The following DOCK1 variants were observed in gnomAD, a reference collection of about 807,000 sequenced individuals.
DOCK1 encodes dedicator of cytokinesis protein 1.
Under a neutral mutation model 262.7 loss-of-function variants are expected in DOCK1, and 138 were observed. That is an observed-to-expected ratio of 0.53 (90% CI 0.46 to 0.61). DOCK1 has a LOEUF of 0.61. Ranked by LOEUF, DOCK1 falls within the 20% of genes least tolerant of loss-of-function variation. The probability of loss-of-function intolerance (pLI) is 0.00; values close to 1 mark genes in which losing one functional copy is unlikely to be tolerated. For missense variants in DOCK1, 1,908 were observed against 2,370.7 expected, an observed-to-expected ratio of 0.80 and a Z score of 4.05; for synonymous variants, 866 against 867.4, an observed-to-expected ratio of 1.00 and a Z score of 0.03.
Position 127,031,515 on chromosome 10 carries a change from A to G in DOCK1, c.1625-135A>G. On this transcript the variant is annotated intron_variant, in intron 16 of 51. Transcript: ENST00000623213. ...ACGTGGTCCATTTTTCCATATATTT[A>G]TTAGATTAGCTTTAATACCTGTTTG... 7 of 606,710 alleles carry G rather than the reference A, an allele frequency of 1.2e-5. No individual in the cohort carries two copies. In the South Asian group the frequency reaches 1.3e-4, roughly 12 times the overall value. 37.6% of individuals were successfully genotyped at this position (606,710 alleles called of 1,614,324 possible).
In DOCK1 at chr10:127,415,112, T is replaced by A. The variant is rs76870943; in HGVS notation, c.4429-40T>A. The A allele has an allele frequency of 7.5e-3, 11,902 of 1,592,180 alleles. 629 individuals are homozygous for A. In the African/African-American group the frequency reaches 0.13, roughly 17 times the overall value. On this transcript the variant is annotated intron_variant, in intron 43 of 51. Transcript: ENST00000623213. Reference sequence around the variant, plus strand: ...GGGCAGAGCTGTCCACCTGCTGACATCCTTCTAACCCGTGTTGTGTGTGTG... The same window carrying A: ...GGGCAGAGCTGTCCACCTGCTGACAACCTTCTAACCCGTGTTGTGTGTGTG...
chr10:127,007,217 G>A (rs1232199715), intron 10 of DOCK1, among the ~76,000 whole-genome samples: 2 of 152,092 alleles, frequency 1.3e-5, no homozygotes, highest in East Asian at 3.9e-4. Context: ...AGTGAGTGTG[G>A]GTGTCGTCTC....
chr10:126,950,046 T>C (rs2036065551), intron 1 of DOCK1, among the ~76,000 whole-genome samples: 1 of 143,342 alleles, frequency 7.0e-6, no homozygotes, highest in African/African-American at 2.7e-5. Flanking sequence ...TAACATCCTC[T>C]CTAAGCCTCA....
chr10:127,144,082 C>T (rs534671600), intron 27 of DOCK1, among the ~76,000 whole-genome samples: 1 of 152,206 alleles, frequency 6.6e-6, no homozygotes, highest in Admixed American at 6.5e-5. Context: ...TCCTCTCCGC[C>T]CACCTTCCAC....
At chr10:127,254,340 C>T (rs2134899876) in intron 28 of DOCK1, among the ~76,000 whole-genome samples, 1 of 152,216 alleles carries the variant, frequency 6.6e-6, no homozygotes, top group Middle Eastern at 3.4e-3. Flanking sequence ...TTTGTGCTGC[C>T]TTGTAATATG....
At chr10:127,102,945 T>A (rs1311026763) in intron 23 of DOCK1, among the ~76,000 whole-genome samples, 1 of 152,220 alleles carries the variant, frequency 6.6e-6, no homozygotes, top group Non-Finnish European at 1.5e-5. Flanking sequence ...GGAGGGCCCC[T>A]GAGCCCCCTG....
At position 127,175,496 on chromosome 10, in the gene DOCK1, GGGCGCCT is replaced by G. The variant is rs1342273839; in HGVS notation, c.2847+47735_2847+47741del. 6.2e-7 allele frequency: 1 copy of G among 1,608,800 alleles called. No individual in the cohort carries two copies. The highest frequency in any genetic ancestry group is 8.5e-7 in the Non-Finnish European group (1 of 1,179,980). On this transcript the variant is annotated intron_variant, in intron 27 of 51. Coordinates refer to ENST00000623213, the MANE Select transcript of DOCK1 (RefSeq NM_001290223.2). The surrounding 1 kb of genome is among the most constrained non-coding windows in gnomAD (Gnocchi z 6.3). Reference sequence around the variant, plus strand: ...GTGAGCAGGCCAGGGCAGTTTCCGAGGGCGCCTGGAGCCCGTTGAGATGTGTGGCTCT... The same window carrying G: ...GTGAGCAGGCCAGGGCAGTTTCCGAGGGAGCCCGTTGAGATGTGTGGCTCT...
At chr10:127,400,718 C>CA (rs140280276) in intron 38 of DOCK1, among the ~76,000 whole-genome samples, 5 of 151,778 alleles carry the variant, frequency 3.3e-5, no homozygotes, top group Admixed American at 3.3e-4. Context: ...ATCACCTTTG[C>CA]AAAAAAAATT....
chr10:127,082,024 C>T (rs2046933374), intron 23 of DOCK1, among the ~76,000 whole-genome samples: 2 of 152,128 alleles, frequency 1.3e-5, no homozygotes, highest in Non-Finnish European at 2.9e-5. Flanking sequence ...CTTTCCTTTC[C>T]TCTTTGACTT....
chr10:127,175,245 T>C lies in DOCK1; in HGVS notation c.2847+47481T>C. 3 of 1,614,090 alleles carry C rather than the reference T, an allele frequency of 1.9e-6. No individual in the cohort carries two copies. Among genetic ancestry groups the C allele is most frequent in the Non-Finnish European group, 2.5e-6 (3 of 1,179,986 alleles). ...ATGGGCCTCTCCTTTTTCCAACTCC[T>C]GAATGACCCCCAAGAGCACTTTGAT... On this transcript the variant is annotated intron_variant, in intron 27 of 51. Coordinates refer to ENST00000623213, the MANE Select transcript of DOCK1 (RefSeq NM_001290223.2). This position sits in a 1 kb window ranked among gnomAD's most constrained non-coding sequence, Gnocchi z 6.3.
At chr10:127,308,038 C>T (rs969062125) in intron 29 of DOCK1, among the ~76,000 whole-genome samples, 2 of 152,234 alleles carry the variant, frequency 1.3e-5, no homozygotes, top group Non-Finnish European at 2.9e-5. Flanking sequence ...TGTCAGGCTT[C>T]TTTCTGCTGG....
At chr10:127,362,807 ATTC>A (rs1444596667) in intron 33 of DOCK1, among the ~76,000 whole-genome samples, 1 of 112,980 alleles carries the variant, frequency 8.9e-6, no homozygotes, top group African/African-American at 3.4e-5. Context: ...CTGTTTATGT[ATTC>A]TTGGGTTGGC....
At chr10:127,105,703 A>C (rs1041159986) in intron 23 of DOCK1, among the ~76,000 whole-genome samples, 1 of 152,180 alleles carries the variant, frequency 6.6e-6, no homozygotes, top group African/African-American at 2.4e-5. Flanking sequence ...TAATTTTATT[A>C]TGTGTCAGGA....
intron 2 of DOCK1, among the ~76,000 whole-genome samples, chr10:126,972,099 A>G (rs1325208927): frequency 6.6e-6 from 1 of 151,926 alleles, no homozygotes; most frequent in Non-Finnish European, 1.5e-5. Flanking sequence ...TATTTTTAGT[A>G]GTGACGGGGT....
chr10:127,405,454 T>TG (rs2067464360), intron 40 of DOCK1, among the ~76,000 whole-genome samples: 1 of 151,904 alleles, frequency 6.6e-6, no homozygotes, highest in African/African-American at 2.4e-5. Context: ...TTTTTTTTTT[T>TG]TTTTGGACAC....
At chr10:127,093,227 C>CTTTCTTTCTTTTCTTTT (rs1591994573) in intron 23 of DOCK1, among the ~76,000 whole-genome samples, 1 of 67,830 alleles carries the variant, frequency 1.5e-5, no homozygotes, top group Admixed American at 1.5e-4. Flanking sequence ...TCTTTTCTTT[C>CTTTCTTTCTTTTCTTTT]TTTCTTTCTT....
At chr10:127,436,459 T>C (rs955316408) in intron 48 of DOCK1, among the ~76,000 whole-genome samples, 2 of 152,088 alleles carry the variant, frequency 1.3e-5, no homozygotes, top group African/African-American at 4.8e-5. Flanking sequence ...GTTGTGGCTG[T>C]AGTGAGCCAT....
At chr10:127,147,683 T>C (rs2052021994) in intron 27 of DOCK1, among the ~76,000 whole-genome samples, 1 of 152,020 alleles carries the variant, frequency 6.6e-6, no homozygotes, top group Non-Finnish European at 1.5e-5. Flanking sequence ...TAATACCCTT[T>C]AGGACCCCAA....
At chr10:127,393,461 A>G (rs1401103954) in intron 38 of DOCK1, among the ~76,000 whole-genome samples, 9 of 152,166 alleles carry the variant, frequency 5.9e-5, no homozygotes, top group African/African-American at 1.7e-4. Context: ...TACGGGAAAT[A>G]GGGGCTTCCA....
Sources: allele counts gnomAD v4.1 joint callset (sites outside exome capture counted in the v4.1 genomes callset), GRCh38; gene constraint gnomAD v4.1.1; non-coding constraint Gnocchi (gnomAD v3.1); transcripts MANE v1.5; gene names NCBI Gene and HGNC (gene_info 2026-07-23, HGNC 2026-07-21).